RPS6KA2: variants seen among roughly 807,000 people sequenced by gnomAD.
The protein encoded by RPS6KA2 is ribosomal protein S6 kinase alpha-2.
In RPS6KA2, 42 loss-of-function variants were observed where a neutral mutation model predicts 91.8. The observed-to-expected ratio is 0.46, with a 90% CI of 0.36 to 0.59. RPS6KA2 has a LOEUF of 0.59. Ranked by LOEUF, RPS6KA2 falls within the 20% of genes least tolerant of loss-of-function variation. RPS6KA2 has a pLI of 0.00. For missense variants in RPS6KA2, 798 were observed against 978.5 expected (o/e 0.82, Z 2.46); for synonymous variants, 414 against 393.6 (o/e 1.05, Z -0.61).
At chr6:166,830,769 G>A (rs1388895182) in intron 2 of RPS6KA2, among the ~76,000 whole-genome samples, 1 of 152,192 alleles carries the variant, frequency 6.6e-6, no homozygotes, top group African/African-American at 2.4e-5. Context: ...TGAAACCTGT[G>A]TTACTGCCTT....
Position 166,471,542 on chromosome 6 carries a change from G to A in RPS6KA2, c.908-1637C>T, listed in dbSNP as rs78413643. Among the ~76,000 whole-genome samples the A allele has an allele frequency of 5.9e-4, 90 of 152,348 alleles. 3 individuals carry two copies. The East Asian group carries it at 0.013, about 23-fold the overall frequency. ...AGCTTTGTGTTATTCACACTTTGAC[G>A]TGAAAGTCCATCTAGAAGGAATTAG... On this transcript the variant is annotated intron_variant, in intron 10 of 20. Coordinates refer to ENST00000265678, the MANE Select transcript of RPS6KA2 (RefSeq NM_021135.6).
chr6:166,607,539 A>G (rs1249109719), intron 1 of RPS6KA2, among the ~76,000 whole-genome samples: 3 of 152,238 alleles, frequency 2.0e-5, no homozygotes, highest in Non-Finnish European at 4.4e-5. Flanking sequence ...CCCACATTGT[A>G]TGATTCCGTT....
chr6:166,674,417 C>T (rs555205398), intron 2 of RPS6KA2, among the ~76,000 whole-genome samples: 2 of 152,206 alleles, frequency 1.3e-5, no homozygotes, highest in East Asian at 3.9e-4. Flanking sequence ...GGGACTGCTG[C>T]CCTGGGAGCA....
At chr6:166,779,217 GCAA>G (rs1313983215) in intron 2 of RPS6KA2, among the ~76,000 whole-genome samples, 2 of 152,174 alleles carry the variant, frequency 1.3e-5, no homozygotes, top group Non-Finnish European at 2.9e-5. Flanking sequence ...TCAGGATGGT[GCAA>G]CAGAGCTCTG....
At chr6:166,417,617 C>CTA (rs1491339791) in intron 19 of RPS6KA2, among the ~76,000 whole-genome samples, 4 of 103,710 alleles carry the variant, frequency 3.9e-5, no homozygotes, top group African/African-American at 1.4e-4. Context: ...ATCTCTCTCT[C>CTA]TATACACACA....
chr6:166,650,148 CAAAAAAA>C (rs71800915), intron 2 of RPS6KA2, among the ~76,000 whole-genome samples: 1 of 94,738 alleles, frequency 1.1e-5, no homozygotes, highest in Non-Finnish European at 2.2e-5. Context: ...TTGGGAATTA[CAAAAAAA>C]AAAAAAAAAA....
intron 1 of RPS6KA2, among the ~76,000 whole-genome samples, chr6:166,568,068 T>C (rs1449816315): frequency 6.6e-6 from 1 of 152,122 alleles, no homozygotes; most frequent in Non-Finnish European, 1.5e-5. Flanking sequence ...GAATCGGCCC[T>C]TGGACATCCT....
chr6:166,751,254 A>G (rs1445980934), intron 2 of RPS6KA2, among the ~76,000 whole-genome samples: 5 of 152,230 alleles, frequency 3.3e-5, no homozygotes, highest in Admixed American at 3.3e-4. Context: ...CCCAAGGTGG[A>G]GGCAAGACCA....
At chr6:166,752,526 C>A (rs79030389) in intron 2 of RPS6KA2, among the ~76,000 whole-genome samples, 1 of 152,090 alleles carries the variant, frequency 6.6e-6, no homozygotes, top group Non-Finnish European at 1.5e-5. Context: ...TAGCTAAGAA[C>A]ATTAATGGGT....
intron 12 of RPS6KA2, 133 bp from the exon 13 acceptor site, chr6:166,451,366 G>C: frequency 1.2e-6 from 1 of 854,520 alleles, no homozygotes; most frequent in Admixed American, 2.5e-5. Context: ...TGTGCACGTG[G>C]CGTATGCCTG....
Position 166,434,109 on chromosome 6 carries a change from C to T in RPS6KA2, c.1333-1619G>A, listed in dbSNP as rs1395558975. 6.6e-6 allele frequency among the ~76,000 whole-genome samples: 1 copy of T among 152,184 alleles called. No individual in the cohort carries two copies. The highest frequency in any genetic ancestry group is 2.4e-5 in the African/African-American group (1 of 41,432). ...CGCTTGGGTAGCATTTGACTCACTG[C>T]TCATAATCTGTCCCCTGGTCACCCT... On this transcript the variant is annotated intron_variant, in intron 14 of 20. Coordinates refer to ENST00000265678, the MANE Select transcript of RPS6KA2 (RefSeq NM_021135.6). This position sits in a 1 kb window ranked among gnomAD's most constrained non-coding sequence, Gnocchi z 4.4.
chr6:166,798,378 G>A (rs1301777681), intron 2 of RPS6KA2, among the ~76,000 whole-genome samples: 1 of 152,246 alleles, frequency 6.6e-6, no homozygotes, highest in Non-Finnish European at 1.5e-5. Flanking sequence ...TGTTTGATGA[G>A]CCCTTAACTA....
At chr6:166,504,356 G>C (rs2071941) in intron 6 of RPS6KA2, 150 bp downstream of exon 6, 3 of 541,654 alleles carry the variant, frequency 5.5e-6, no homozygotes, top group Non-Finnish European at 9.7e-6. Flanking sequence ...TGCCTGAGCC[G>C]GTCCTGCCGG....
Position 166,411,397 on chromosome 6 carries a change from AT to A in RPS6KA2, c.*1364del, listed in dbSNP as rs1299049895. 6.6e-6 allele frequency: 1 copy of A among 151,848 alleles called. No homozygotes were observed. The highest frequency in any genetic ancestry group is 1.5e-5 in the Non-Finnish European group (1 of 67,978). The allele number at this position is 151,848 out of a possible 1,614,324, so 9.4% of individuals were successfully genotyped here. ...GAGGGGCTGAGCGGCGCCTCCTCCC[AT>A]CTAGTCTGCTTGGGGGCCGCCAGGG... On this transcript the variant is annotated 3_prime_UTR_variant, in exon 21 of 21. Transcript: ENST00000265678. The surrounding 1 kb of genome is among the most constrained non-coding windows in gnomAD (Gnocchi z 4.5).
chr6:166,594,165 T>A (rs1298925320), intron 1 of RPS6KA2, among the ~76,000 whole-genome samples: 1 of 152,234 alleles, frequency 6.6e-6, no homozygotes, highest in African/African-American at 2.4e-5. Context: ...TATTTAATGG[T>A]GGCGGTAAAA....
intron 10 of RPS6KA2, among the ~76,000 whole-genome samples, chr6:166,480,501 ATATATATATATATAATATATT>A (rs1562523879): frequency 1.4e-4 from 19 of 135,040 alleles, no homozygotes; most frequent in African/African-American, 5.5e-4. Context: ...ATATATATAT[ATATATATATATATAATATATT>A]TTTTTTTTTT....
chr6:166,679,292 TAA>T (rs113931859), intron 2 of RPS6KA2, among the ~76,000 whole-genome samples: 1 of 143,984 alleles, frequency 6.9e-6, no homozygotes, highest in African/African-American at 2.5e-5. Flanking sequence ...CAACTCTCTT[TAA>T]AAAAAAAAAA....
intron 1 of RPS6KA2, among the ~76,000 whole-genome samples, chr6:166,570,830 A>G (rs1348781731): frequency 6.6e-6 from 1 of 152,238 alleles, no homozygotes; most frequent in East Asian, 1.9e-4. Flanking sequence ...ACAGAGACAC[A>G]AAGGTAGATC....
intron 16 of RPS6KA2, among the ~76,000 whole-genome samples, chr6:166,429,114 T>C (rs1464133656): frequency 2.6e-5 from 4 of 151,922 alleles, no homozygotes; most frequent in Non-Finnish European, 5.9e-5. Flanking sequence ...CCATAAAAAA[T>C]GATGAGTTCA....
Sources: gnomAD v4.1 joint callset for allele counts (sites outside exome capture counted in the v4.1 genomes callset) on GRCh38, gnomAD v4.1.1 for gene constraint, Gnocchi (gnomAD v3.1) non-coding constraint, MANE v1.5 for transcripts, NCBI Gene and HGNC (gene_info 2026-07-23, HGNC 2026-07-21) for gene names.